Variants in USP19 observed in about 807,000 individuals in gnomAD.
USP19 encodes the protein ubiquitin carboxyl-terminal hydrolase 19.
USP19 carries 40 observed loss-of-function variants against 144.8 expected under a neutral mutation model. That is an observed-to-expected ratio of 0.28 (90% CI 0.21 to 0.36). The LOEUF (loss-of-function observed/expected upper bound fraction) is 0.36. USP19 is among the 10% of genes least tolerant of loss of function. The pLI, the probability that USP19 is intolerant of heterozygous loss-of-function variation, is 1.00. For missense variants in USP19, 1,518 were observed against 1,822.5 expected, an observed-to-expected ratio of 0.83 and a Z score of 3.04; for synonymous variants, 701 against 709.3, an observed-to-expected ratio of 0.99 and a Z score of 0.19.
rs1351421316 is a variant in USP19 at position 49,110,733 on chromosome 3, C to G, written c.3676G>C (p.Asp1226His). 1 of 1,614,076 alleles carries G rather than the reference C, an allele frequency of 6.2e-7. No individual in the cohort carries two copies. The highest frequency in any genetic ancestry group is 1.7e-5 in the Admixed American group (1 of 60,016). Residue 1226 changes from aspartate to histidine, a missense_variant, in exon 24 of 27, where the codon GAC (aspartate) becomes CAC (histidine). By Grantham distance (81) the Asp-to-His change is moderately conservative. Transcript: ENST00000417901. This position sits in a 1 kb window ranked among gnomAD's most constrained non-coding sequence, Gnocchi z 6.1. ...TACCTAACAGGGAACTCCACCAAGT[C>G]ATTGATCTTGTCACGCCAGATAAAA... ...RSFIWRDKIN[D>H]LVEFPVRNLD...
Position 49,110,531 on chromosome 3 carries a change from T to C in USP19, c.3772A>G (p.Ile1258Val), listed in dbSNP as rs147928571. 1.2e-6 allele frequency: 2 copies of C among 1,614,190 alleles called. No individual in the cohort carries two copies. The highest frequency in any genetic ancestry group is 8.5e-7 in the Non-Finnish European group (1 of 1,180,032). ...CCAATCATGCCTCCATAGTGGTTGA[T>C]GACAGCATATAGATCGTAGCTGGGC... is the stretch of plus-strand genomic sequence containing the variant. ...QLPSYDLYAV[I>V]NHYGGMIGGH... Residue 1258 changes from isoleucine to valine, a missense_variant, in exon 25 of 27, where the codon ATC becomes GTC. Physicochemically the swap from Ile to Val is conservative, Grantham distance 29. Transcript: ENST00000417901. This position sits in a 1 kb window ranked among gnomAD's most constrained non-coding sequence, Gnocchi z 6.1.
At chr3:49,118,700 T>C (rs2044612775) in intron 2 of USP19, among the ~76,000 whole-genome samples, 1 of 151,526 alleles carries the variant, frequency 6.6e-6, no homozygotes, top group African/African-American at 2.4e-5. Context: ...TGAGCCAATA[T>C]TGCACCACTG....
In USP19 at chr3:49,111,922, C is replaced by G. The variant is rs1388298840; in HGVS notation, c.2892G>C (p.Glu964Asp). 1 of 1,614,064 alleles carries G rather than the reference C, an allele frequency of 6.2e-7. No homozygotes were observed. The highest frequency in any genetic ancestry group is 8.5e-7 in the Non-Finnish European group (1 of 1,180,006). The change falls in exon 20 of 27, where the codon GAG (glutamate) becomes GAC (aspartate). Residue 964 changes from glutamate (E) to aspartate (D), a missense_variant. Coordinates refer to ENST00000417901, the MANE Select transcript of USP19 (RefSeq NM_001199161.2). This position sits in a 1 kb window ranked among gnomAD's most constrained non-coding sequence, Gnocchi z 5.9. ...CACTGGGCACTTACCGGGCATAGCCCTCTAGCAACTGAGCGAGGCGGGCAT... is the reference window on the plus strand; with the variant it reads ...CACTGGGCACTTACCGGGCATAGCCGTCTAGCAACTGAGCGAGGCGGGCAT... Reference protein sequence around the residue: ...LTYARLAQLLEGYARYSVSVF... With the variant: ...LTYARLAQLLDGYARYSVSVF...
At position 49,111,951 on chromosome 3, in the gene USP19, T is replaced by A; in HGVS notation, c.2863A>T (p.Thr955Ser). The change falls in exon 20 of 27, where the codon ACT becomes TCT. Residue 955 changes from threonine to serine, a missense_variant. Transcript: ENST00000417901. This position sits in a 1 kb window ranked among gnomAD's most constrained non-coding sequence, Gnocchi z 5.9. ...AGCAACTGAGCGAGGCGGGCATAAG[T>A]GAGGCGTGAGGCAGGTACACTGACC... is the stretch of plus-strand genomic sequence containing the variant. ...FLVSVPASRL[T>S]YARLAQLLEG... 1 of 1,613,960 alleles carries A rather than the reference T, an allele frequency of 6.2e-7. No individual in the cohort carries two copies. The highest frequency in any genetic ancestry group is 8.5e-7 in the Non-Finnish European group (1 of 1,180,018).
chr3:49,116,227 G>A lies in USP19; in HGVS notation c.1355+53C>T, dbSNP rs934489794. ...AGCATCAGGATAGATGAGCCAGGGAGATGGAGCCCACGGGGTAGGACAGGC... is the reference window on the plus strand; with the variant it reads ...AGCATCAGGATAGATGAGCCAGGGAAATGGAGCCCACGGGGTAGGACAGGC... On this transcript the variant is annotated intron_variant, in intron 9 of 26. Coordinates refer to ENST00000417901, the MANE Select transcript of USP19 (RefSeq NM_001199161.2). The surrounding 1 kb of genome is among the most constrained non-coding windows in gnomAD (Gnocchi z 5.0). 6.8e-6 allele frequency: 11 copies of A among 1,613,546 alleles called. No homozygotes were observed. The South Asian group carries it at 1.1e-4, about 16-fold the overall frequency.
Position 49,111,008 on chromosome 3 carries a change from G to C in USP19, c.3487C>G (p.Leu1163Val), listed in dbSNP as rs376555391. ...GEAARAGHFT[L>V]DQCLNLFTRP... ...GTGAAGAGGTTGAGGCACTGGTCCA[G>C]GGTGAAGTGGCCGGCCCGGGCAGCC... Residue 1163 changes from leucine (L) to valine (V), a missense_variant, in exon 23 of 27, where the codon CTG (leucine) becomes GTG (valine). Physicochemically the swap from Leu to Val is conservative, Grantham distance 32 (BLOSUM62 1). Around this residue, in one of 5 missense-constraint regions of USP19, gnomAD observed 413 missense variants for 515.8 expected, o/e 0.80. Transcript: ENST00000417901. This position sits in a 1 kb window ranked among gnomAD's most constrained non-coding sequence, Gnocchi z 5.9. 1.1e-5 allele frequency: 18 copies of C among 1,613,952 alleles called. 1 individual carries two copies. Among genetic ancestry groups the C allele is most frequent in the Non-Finnish European group, 1.4e-5 (17 of 1,180,052 alleles).
Position 49,114,108 on chromosome 3 carries a change from GCAGT to G in USP19, c.2404-19_2404-16del. On this transcript the variant is annotated splice_polypyrimidine_tract_variant and intron_variant, in intron 16 of 26. Transcript: ENST00000417901. The surrounding 1 kb of genome is among the most constrained non-coding windows in gnomAD (Gnocchi z 4.5). ...CTCACCAGGAACTGTGGCAAAAAGG[GCAGT>G]CAGTGAGGGAGGTGGGCCACGTTCT... 1 of 1,614,174 alleles carries G rather than the reference GCAGT, an allele frequency of 6.2e-7. No homozygotes were observed. The highest frequency in any genetic ancestry group is 8.5e-7 in the Non-Finnish European group (1 of 1,180,012).
rs751110346 is a variant in USP19 at position 49,116,049 on chromosome 3, C to T, written c.1469G>A (p.Arg490Gln). 42 of 1,595,310 alleles carry T rather than the reference C, an allele frequency of 2.6e-5. No homozygotes were observed. Among genetic ancestry groups the T allele is most frequent in the Non-Finnish European group, 3.1e-5 (37 of 1,174,880 alleles). ...ATGAAGGGAGCTCGTGTGCAGACCT[C>T]GTGCAGCCGGGGCCTCCAGGCCCCC... ...RWGGLEAPAA[R>Q]GAVGGAKVAV... Residue 490 changes from arginine to glutamine, a missense_variant and splice_region_variant, in exon 10 of 27, where the codon CGA (arginine) becomes CAA (glutamine). By Grantham distance (43) the Arg-to-Gln change is conservative. Transcript: ENST00000417901. This position sits in a 1 kb window ranked among gnomAD's most constrained non-coding sequence, Gnocchi z 5.0.
chr3:49,112,116 G>T lies in USP19; in HGVS notation c.2766-68C>A. ...TCCTATGACTCCATACTGGGGGCTA[G>T]TCATAGTCCCTGGGAACTGGGTACG... On this transcript the variant is annotated intron_variant, in intron 19 of 26. Transcript: ENST00000417901. This position sits in a 1 kb window ranked among gnomAD's most constrained non-coding sequence, Gnocchi z 4.9. 1.3e-6 allele frequency: 2 copies of T among 1,585,872 alleles called. No individual in the cohort carries two copies. The highest frequency in any genetic ancestry group is 2.3e-5 in the East Asian group (1 of 44,388).
rs1432135983 is a variant in USP19, at chr3:49,110,874, C to G, written c.3546-11G>C. 6.2e-7 allele frequency: 1 copy of G among 1,614,128 alleles called. No homozygotes were observed. Among genetic ancestry groups the G allele is most frequent in the South Asian group, 1.1e-5 (1 of 91,088 alleles). ...CACTGTGGGCAGTACCTGGTGGGGACAGAGATTGGGTCAGGACCAGCAAGT... is the reference window on the plus strand; with the variant it reads ...CACTGTGGGCAGTACCTGGTGGGGAGAGAGATTGGGTCAGGACCAGCAAGT... On this transcript the variant is annotated splice_polypyrimidine_tract_variant and intron_variant, in intron 23 of 26. Coordinates refer to ENST00000417901, the MANE Select transcript of USP19 (RefSeq NM_001199161.2). This position sits in a 1 kb window ranked among gnomAD's most constrained non-coding sequence, Gnocchi z 6.1.
chr3:49,115,312 A>G lies in USP19; in HGVS notation c.1938T>C (p.Gly646=). 1 of 1,614,158 alleles carries G rather than the reference A, an allele frequency of 6.2e-7. No individual in the cohort carries two copies. The part of the protein sequence containing the change: ...EINYNNPLGT[G]GRLAIGFAVL... Reference sequence around the variant, plus strand: ...CGGCAAAGCCAATGGCCAGACGCCCACCAGTCCCTAGTGGGTTGTTGTAGT... The same window carrying G: ...CGGCAAAGCCAATGGCCAGACGCCCGCCAGTCCCTAGTGGGTTGTTGTAGT... Residue 646 remains glycine, a synonymous_variant, in exon 13 of 27, where the codon GGT becomes GGC. Coordinates refer to ENST00000417901, the MANE Select transcript of USP19 (RefSeq NM_001199161.2). This position sits in a 1 kb window ranked among gnomAD's most constrained non-coding sequence, Gnocchi z 6.6.
At position 49,119,081 on chromosome 3, in the gene USP19, C is replaced by T. The variant is rs756860919; in HGVS notation, c.65G>A (p.Ser22Asn). The change falls in exon 2 of 27, where the codon AGT (serine) becomes AAT (asparagine). Residue 22 changes from serine (S) to asparagine (N), a missense_variant. Around this residue, in one of 5 missense-constraint regions of USP19, gnomAD observed 707 missense variants for 728.9 expected, o/e 0.97. Coordinates refer to ENST00000417901, the MANE Select transcript of USP19 (RefSeq NM_001199161.2). Reference protein sequence around the residue: ...RGPPGLEDTTSKKKQKDRANQ... With the variant: ...RGPPGLEDTTNKKKQKDRANQ... ...TGCTCGATCCTTCTGCTTCTTCTTA[C>T]TAGTGGTGTCCTCCAGTCCTGGGGG... 10 of 1,614,198 alleles carry T rather than the reference C, an allele frequency of 6.2e-6. No individual in the cohort carries two copies. The South Asian group carries it at 7.7e-5, about 12-fold the overall frequency.
At position 49,112,640 on chromosome 3, in the gene USP19, A is replaced by G. The variant is rs982928869; in HGVS notation, c.2506-11T>C. The G allele has an allele frequency of 1.9e-6, 3 of 1,609,494 alleles. No individual in the cohort carries two copies. The highest frequency in any genetic ancestry group is 2.5e-6 in the Non-Finnish European group (3 of 1,176,972). ...ACGATTCTTAATTACCTGGGGACAG[A>G]GAACACACAGATCCCACGTGAGGAT... On this transcript the variant is annotated splice_polypyrimidine_tract_variant and intron_variant, in intron 17 of 26. Transcript: ENST00000417901. The surrounding 1 kb of genome is among the most constrained non-coding windows in gnomAD (Gnocchi z 4.9).
At chr3:49,113,258 G>A (rs1330464930) in intron 17 of USP19, among the ~76,000 whole-genome samples, 2 of 152,220 alleles carry the variant, frequency 1.3e-5, no homozygotes, top group Non-Finnish European at 2.9e-5. Context: ...GCATACTCAT[G>A]TGTATGTCTA....
At position 49,114,200 on chromosome 3, in the gene USP19, G is replaced by A; in HGVS notation, c.2377C>T (p.Arg793Ter). ...QKVLPVFYFA[R>*]EPHSKPIKFL... ...TTGATGGGCTTGCTGTGGGGCTCTC[G>A]GGCAAAATAAAAGACAGGGAGAACC... Residue 793 changes from arginine (R) to a stop codon, truncating the protein, a stop_gained, in exon 16 of 27, where the codon CGA becomes TGA. Transcript: ENST00000417901. LOFTEE classifies it high-confidence loss of function. This position sits in a 1 kb window ranked among gnomAD's most constrained non-coding sequence, Gnocchi z 4.5. The A allele has an allele frequency of 1.2e-6, 2 of 1,614,174 alleles. No individual in the cohort carries two copies. The highest frequency in any genetic ancestry group is 1.7e-6 in the Non-Finnish European group (2 of 1,180,038).
intron 26 of USP19, among the ~76,000 whole-genome samples, chr3:49,109,490 C>T (rs947262123): frequency 2.0e-5 from 3 of 152,196 alleles, no homozygotes; most frequent in African/African-American, 7.2e-5. Context: ...CCAAAGGACA[C>T]CGATTCATAG....
At position 49,114,171 on chromosome 3, in the gene USP19, C is replaced by T. The variant is rs1244162729; in HGVS notation, c.2403+3G>A. On this transcript the variant is annotated splice_donor_region_variant and intron_variant, in intron 16 of 26. Transcript: ENST00000417901. This position sits in a 1 kb window ranked among gnomAD's most constrained non-coding sequence, Gnocchi z 4.5. The stretch of plus-strand genomic sequence containing the variant: ...GCCCAGAGGGTAGGGGCTTACTCCT[C>T]ACCTTGATGGGCTTGCTGTGGGGCT... The T allele has an allele frequency of 3.1e-6, 5 of 1,614,224 alleles. No homozygotes were observed. The highest frequency in any genetic ancestry group is 2.2e-5 in the East Asian group (1 of 44,890).
In USP19 at chr3:49,110,079, G is replaced by C; in HGVS notation, c.4038+105C>G. On this transcript the variant is annotated intron_variant, in intron 26 of 26. Transcript: ENST00000417901. The surrounding 1 kb of genome is among the most constrained non-coding windows in gnomAD (Gnocchi z 6.1). ...ACTCTGCAATTCTCATGAATCCCAA[G>C]GCTCAATGGGCCTGTGGCTGGAGGA... is the stretch of plus-strand genomic sequence containing the variant. The C allele has an allele frequency of 7.6e-7, 1 of 1,321,936 alleles. No homozygotes were observed. Among genetic ancestry groups the C allele is most frequent in the Non-Finnish European group, 9.9e-7 (1 of 1,006,532 alleles). The allele number at this position is 1,321,936 out of a possible 1,614,324, so 81.9% of individuals were successfully genotyped here.
chr3:49,111,963 C>T lies in USP19; in HGVS notation c.2851G>A (p.Ala951Thr), dbSNP rs140729927. 3 of 1,614,088 alleles carry T rather than the reference C, an allele frequency of 1.9e-6. No individual in the cohort carries two copies. Among genetic ancestry groups the T allele is most frequent in the Non-Finnish European group, 2.5e-6 (3 of 1,180,040 alleles). The change falls in exon 20 of 27, where the codon GCC becomes ACC. Residue 951 changes from alanine to threonine, a missense_variant. Ala to Thr is a moderately conservative substitution (Grantham distance 58, BLOSUM62 0). Transcript: ENST00000417901. The surrounding 1 kb of genome is among the most constrained non-coding windows in gnomAD (Gnocchi z 5.9). ...IGYPFLVSVP[A>T]SRLTYARLAQ... ...AGGCGGGCATAAGTGAGGCGTGAGG[C>T]AGGTACACTGACCAGGAAGGGGTAG...
Sources: allele counts gnomAD v4.1 joint callset (sites outside exome capture counted in the v4.1 genomes callset), GRCh38; gene constraint gnomAD v4.1.1; regional missense constraint gnomAD v4.1.1; non-coding constraint Gnocchi (gnomAD v3.1); transcripts MANE v1.5; gene names NCBI Gene and HGNC (gene_info 2026-07-23, HGNC 2026-07-21).